The following EMCN variants were observed in gnomAD, a reference collection of about 807,000 sequenced individuals.
EMCN encodes the protein MUC-14.
In EMCN, 37 loss-of-function variants were observed where a neutral mutation model predicts 38.4. That is an observed-to-expected ratio of 0.96 (90% CI 0.74 to 1.27). The LOEUF is 1.27. EMCN is among the 50% of genes most tolerant of loss of function. EMCN has a pLI of 0.00. For synonymous variants in EMCN, 95 were observed against 100.8 expected, an observed-to-expected ratio of 0.94 and a Z score of 0.35; for missense variants, 318 against 302.8, an observed-to-expected ratio of 1.05 and a Z score of -0.37.
intron 4 of EMCN, among the ~76,000 whole-genome samples, chr4:100,450,866 C>T (rs1299449062): frequency 2.0e-5 from 3 of 151,782 alleles, no homozygotes; most frequent in Non-Finnish European, 4.4e-5. Flanking sequence ...GTTGGATAGC[C>T]TTGTGTGAGA....
chr4:100,412,041 C>T (rs1013753997), intron 10 of EMCN, among the ~76,000 whole-genome samples: 1 of 150,174 alleles, frequency 6.7e-6, no homozygotes, highest in African/African-American at 2.5e-5. Flanking sequence ...CCATAGCATA[C>T]CAATTAGTTA....
intron 9 of EMCN, 56 bp from the exon 10 acceptor site, chr4:100,416,015 G>A: frequency 8.6e-7 from 1 of 1,161,434 alleles, no homozygotes; most frequent in Non-Finnish European, 1.2e-6. Flanking sequence ...TTGTATGTTT[G>A]TGAAAGTATT....
At chr4:100,400,607 CCA>C (rs935639710) in intron 11 of EMCN, among the ~76,000 whole-genome samples, 2 of 152,028 alleles carry the variant, frequency 1.3e-5, no homozygotes, top group Non-Finnish European at 2.9e-5. Flanking sequence ...TTAAGGTCTG[CCA>C]CTTTTTGTTC....
intron 10 of EMCN, among the ~76,000 whole-genome samples, chr4:100,412,492 A>G (rs1726591927): frequency 6.6e-6 from 1 of 152,196 alleles, no homozygotes; most frequent in Admixed American, 6.5e-5. Flanking sequence ...TTTATAATTT[A>G]TATGACTTGA....
intron 2 of EMCN, among the ~76,000 whole-genome samples, chr4:100,477,790 T>A (rs542568885): frequency 4.3e-5 from 6 of 138,176 alleles, no homozygotes; most frequent in African/African-American, 1.7e-4. Flanking sequence ...TCACTACAGA[T>A]ACCTTTTTTT....
Position 100,423,406 on chromosome 4 carries a change from T to G in EMCN, c.416-2A>C, listed in dbSNP as rs1400457448. 6.2e-7 allele frequency: 1 copy of G among 1,601,172 alleles called. No homozygotes were observed. Among genetic ancestry groups the G allele is most frequent in the African/African-American group, 1.3e-5 (1 of 74,632 alleles). On this transcript the variant is annotated splice_acceptor_variant, in intron 5 of 11. Transcript: ENST00000296420. LOFTEE classifies it high-confidence loss of function. Reference sequence around the variant, plus strand: ...ATGCATCTGGTTGTAGAACACTACCTGTATGAAAATTACAAATGCAGAATC... The same window carrying G: ...ATGCATCTGGTTGTAGAACACTACCGGTATGAAAATTACAAATGCAGAATC...
Position 100,443,784 on chromosome 4 carries a change from C to A in EMCN, c.415+3749G>T, listed in dbSNP as rs113902316. 4.6e-3 allele frequency among the ~76,000 whole-genome samples: 699 copies of A among 152,270 alleles called. 7 individuals are homozygous for A. The highest frequency in any genetic ancestry group is 0.016 in the African/African-American group (666 of 41,542). Reference sequence around the variant, plus strand: ...CTGAGGTGCACCTCACCATCTTAGGCCCAGAGTGCTGAAATATAGCTGAGG... The same window carrying A: ...CTGAGGTGCACCTCACCATCTTAGGACCAGAGTGCTGAAATATAGCTGAGG... On this transcript the variant is annotated intron_variant, in intron 5 of 11. Transcript: ENST00000296420.
Position 100,415,929 on chromosome 4 carries a change from A to G in EMCN, c.720T>C (p.Leu240=). 6.3e-7 allele frequency: 1 copy of G among 1,592,006 alleles called. No individual in the cohort carries two copies. Among genetic ancestry groups the G allele is most frequent in the Non-Finnish European group, 8.5e-7 (1 of 1,171,876 alleles). Residue 240 remains leucine (L), a synonymous_variant, in exon 10 of 12, where the codon CTT becomes CTC. Coordinates refer to ENST00000296420, the MANE Select transcript of EMCN (RefSeq NM_016242.4). ...QPQSDKESVK[L]LTVKTISHES... ...CATGAGAAATTGTCTTAACGGTAAG[A>G]AGCTTCACGCTCTCTTTATCAGACT... is the stretch of plus-strand genomic sequence containing the variant.
intron 4 of EMCN, among the ~76,000 whole-genome samples, chr4:100,463,090 A>G (rs1324982651): frequency 2.6e-5 from 4 of 152,270 alleles, no homozygotes; most frequent in Middle Eastern, 3.4e-3. Context: ...TTTACTATAC[A>G]TAGAAATTAC....
intron 4 of EMCN, among the ~76,000 whole-genome samples, chr4:100,450,374 T>C (rs747149493): frequency 2.6e-5 from 4 of 152,026 alleles, no homozygotes; most frequent in Non-Finnish European, 5.9e-5. Flanking sequence ...CATTTAGTTT[T>C]TAAATCAGAA....
At chr4:100,466,882 G>GA in intron 3 of EMCN, among the ~76,000 whole-genome samples, 1 of 152,186 alleles carries the variant, frequency 6.6e-6, no homozygotes, top group South Asian at 2.1e-4. Context: ...AATTTTTGGA[G>GA]AAAAATTCTT....
Position 100,415,960 on chromosome 4 carries a change from C to T in EMCN, c.690-1G>A. 6.4e-7 allele frequency: 1 copy of T among 1,564,400 alleles called. No individual in the cohort carries two copies. Among genetic ancestry groups the T allele is most frequent in the East Asian group, 2.3e-5 (1 of 43,022 alleles). ...CACGCTCTCTTTATCAGACTGAGGT[C>T]TATTTGAAAAAAAAAACATGAAATT... On this transcript the variant is annotated splice_acceptor_variant, in intron 9 of 11. Coordinates refer to ENST00000296420, the MANE Select transcript of EMCN (RefSeq NM_016242.4). LOFTEE classifies it high-confidence loss of function.
At chr4:100,411,173 T>C (rs1726542148) in intron 10 of EMCN, among the ~76,000 whole-genome samples, 1 of 152,170 alleles carries the variant, frequency 6.6e-6, no homozygotes, top group African/African-American at 2.4e-5. Context: ...CAATAATAAA[T>C]AGTGCCAGAG....
At chr4:100,440,906 A>C (rs1727495971) in intron 5 of EMCN, among the ~76,000 whole-genome samples, 1 of 152,006 alleles carries the variant, frequency 6.6e-6, no homozygotes. Flanking sequence ...TAACATGGTG[A>C]AACCCCGTCT....
intron 3 of EMCN, 86 bp from the exon 4 acceptor site, chr4:100,465,625 T>G: frequency 1.5e-6 from 1 of 666,840 alleles, no homozygotes; most frequent in Middle Eastern, 4.5e-4. Flanking sequence ...AACTAAAACT[T>G]GAAGATTAAT....
intron 3 of EMCN, among the ~76,000 whole-genome samples, chr4:100,472,843 G>A (rs1470378047): frequency 1.3e-5 from 2 of 151,740 alleles, no homozygotes; most frequent in East Asian, 3.9e-4. Flanking sequence ...GGATGCAAAT[G>A]TAGTTGCAGC....
chr4:100,448,832 C>CTTCTT lies in EMCN; in HGVS notation c.377-1262_377-1261insAAGAA, dbSNP rs1560619332. ...CCTTCCTTCCTTCCTTCCTCCCTCC[C>CTTCTT]TCCCTCCCTCCCTTCCTTGCTTTCT... On this transcript the variant is annotated intron_variant, in intron 4 of 11. Transcript: ENST00000296420. Among the ~76,000 whole-genome samples the CTTCTT allele has an allele frequency of 1.4e-4, 20 of 145,650 alleles. 3 individuals carry two copies. The highest frequency in any genetic ancestry group is 5.2e-4 in the African/African-American group (20 of 38,634).
intron 4 of EMCN, among the ~76,000 whole-genome samples, chr4:100,452,182 C>T (rs190047538): frequency 1.3e-5 from 2 of 151,822 alleles, no homozygotes; most frequent in African/African-American, 2.4e-5. Flanking sequence ...ATCTAAAATG[C>T]GTACTTGGTT....
chr4:100,481,064 T>C (rs114378606), intron 1 of EMCN, among the ~76,000 whole-genome samples: 2,738 of 152,178 alleles, frequency 0.018, 76 homozygotes, highest in African/African-American at 0.062. Context: ...TATAAGAGAA[T>C]TTGGAAAAAA....
Sources: allele counts gnomAD v4.1 joint callset (sites outside exome capture counted in the v4.1 genomes callset), GRCh38; gene constraint gnomAD v4.1.1; transcripts MANE v1.5; gene names NCBI Gene and HGNC (gene_info 2026-07-23, HGNC 2026-07-21).